The following NT5DC1 variants were observed in gnomAD, a reference collection of about 807,000 sequenced individuals.
NT5DC1 encodes the protein 5'-nucleotidase domain-containing protein 1.
A neutral mutation model predicts 59.4 loss-of-function variants in NT5DC1; 42 were observed. That is an observed-to-expected ratio of 0.71 (90% confidence interval 0.55 to 0.92). The LOEUF is 0.92. Among genes scored for constraint, NT5DC1 ranks in the 40% least tolerant of loss-of-function variants. The pLI, the probability that NT5DC1 is intolerant of heterozygous loss-of-function variation, is 0.00. For missense variants in NT5DC1, 501 were observed against 537.1 expected (o/e 0.93, Z 0.66); for synonymous variants, 172 against 188.1 (o/e 0.91, Z 0.70).
intron 6 of NT5DC1, among the ~76,000 whole-genome samples, chr6:116,186,079 C>T (rs940572156): frequency 6.6e-6 from 1 of 151,936 alleles, no homozygotes; most frequent in Non-Finnish European, 1.5e-5. Flanking sequence ...GGCAAATTCT[C>T]GCAGCATTTG....
chr6:116,158,186 A>G (rs933604538), intron 6 of NT5DC1, among the ~76,000 whole-genome samples: 1 of 152,128 alleles, frequency 6.6e-6, no homozygotes, highest in Non-Finnish European at 1.5e-5. Flanking sequence ...AATACTGGTT[A>G]TCTGTCATTG....
At chr6:116,241,842 G>A (rs1562178820) in intron 11 of NT5DC1, among the ~76,000 whole-genome samples, 1 of 147,604 alleles carries the variant, frequency 6.8e-6, no homozygotes, top group Non-Finnish European at 1.5e-5. Context: ...AGAATGGCAT[G>A]AACCCGGGGG....
intron 6 of NT5DC1, among the ~76,000 whole-genome samples, chr6:116,175,064 G>T (rs907576093): frequency 1.3e-5 from 2 of 151,898 alleles, no homozygotes; most frequent in African/African-American, 4.8e-5. Context: ...AAGGAATTAG[G>T]CTTATTAACT....
intron 6 of NT5DC1, 130 bp downstream of exon 6, chr6:116,118,075 A>T: frequency 1.4e-6 from 1 of 690,094 alleles, no homozygotes; most frequent in Admixed American, 2.3e-5. Context: ...ATATTATTAT[A>T]AAGTTGGTTC....
chr6:116,158,008 G>C lies in NT5DC1; in HGVS notation c.529+40063G>C, dbSNP rs73772300. Among the ~76,000 whole-genome samples, 866 of 152,216 alleles carry C rather than the reference G, an allele frequency of 5.7e-3. 17 individuals carry two copies. Among genetic ancestry groups the C allele is most frequent in the South Asian group, 0.046 (221 of 4,820 alleles). On this transcript the variant is annotated intron_variant, in intron 6 of 11. Coordinates refer to ENST00000319550, the MANE Select transcript of NT5DC1 (RefSeq NM_152729.3). ...ACTTCCCTTTCCAGTTTTTTCCTCT[G>C]ATCATTTGACATTTCCACTTCTTAA...
chr6:116,229,401 A>G (rs1243486378), intron 8 of NT5DC1, among the ~76,000 whole-genome samples: 1 of 152,220 alleles, frequency 6.6e-6, no homozygotes, highest in Non-Finnish European at 1.5e-5. Context: ...CAGCGAGCCA[A>G]TCACGAAACA....
At chr6:116,219,869 G>C in intron 6 of NT5DC1, among the ~76,000 whole-genome samples, 1 of 149,910 alleles carries the variant, frequency 6.7e-6, no homozygotes. Flanking sequence ...GGCTAAGGCA[G>C]GAGAATCACT....
At chr6:116,149,451 A>G (rs1371084685) in intron 6 of NT5DC1, among the ~76,000 whole-genome samples, 1 of 152,226 alleles carries the variant, frequency 6.6e-6, no homozygotes, top group Non-Finnish European at 1.5e-5. Flanking sequence ...CCCTGCCAGT[A>G]CTAAGAGAAC....
intron 6 of NT5DC1, among the ~76,000 whole-genome samples, chr6:116,145,734 AATTT>A (rs1779882716): frequency 6.6e-6 from 1 of 152,144 alleles, no homozygotes; most frequent in African/African-American, 2.4e-5. Flanking sequence ...TCATTTTTTG[AATTT>A]ATTTTTCATT....
intron 9 of NT5DC1, chr6:116,237,382 C>T: frequency 1.9e-6 from 1 of 521,964 alleles, no homozygotes; most frequent in South Asian, 1.5e-5. Flanking sequence ...TAAAGATACA[C>T]TTGTTTTTGA....
intron 1 of NT5DC1, among the ~76,000 whole-genome samples, chr6:116,105,370 C>T (rs369549150): frequency 2.6e-5 from 4 of 152,156 alleles, no homozygotes; most frequent in Non-Finnish European, 5.9e-5. Context: ...GACATGTTAT[C>T]GAAACCTGTT....
chr6:116,151,960 A>G (rs1373817781), intron 6 of NT5DC1, among the ~76,000 whole-genome samples: 1 of 152,214 alleles, frequency 6.6e-6, no homozygotes, highest in Non-Finnish European at 1.5e-5. Flanking sequence ...TATTGATGCC[A>G]ACTTTATTGA....
intron 6 of NT5DC1, among the ~76,000 whole-genome samples, chr6:116,165,393 G>C (rs1742537568): frequency 6.6e-6 from 1 of 152,152 alleles, no homozygotes; most frequent in South Asian, 2.1e-4. Context: ...AACAAGATCA[G>C]GGAAATTTTC....
chr6:116,141,342 G>A (rs1367731366), intron 6 of NT5DC1, among the ~76,000 whole-genome samples: 1 of 150,914 alleles, frequency 6.6e-6, no homozygotes, highest in Non-Finnish European at 1.5e-5. Flanking sequence ...TATATGTGTT[G>A]CAGATACTTC....
chr6:116,121,178 G>T (rs751835091), intron 6 of NT5DC1: 2 of 1,613,114 alleles, frequency 1.2e-6, no homozygotes, highest in African/African-American at 2.7e-5. Flanking sequence ...AGGAAGGCCA[G>T]CAGGTCCTCT....
intron 6 of NT5DC1, among the ~76,000 whole-genome samples, chr6:116,172,467 G>T (rs1003164364): frequency 6.6e-6 from 1 of 151,560 alleles, no homozygotes; most frequent in African/African-American, 2.4e-5. Context: ...GACTACAGGC[G>T]CACGCCACCA....
At chr6:116,145,242 G>A (rs1779868437) in intron 6 of NT5DC1, among the ~76,000 whole-genome samples, 1 of 151,984 alleles carries the variant, frequency 6.6e-6, no homozygotes, top group Non-Finnish European at 1.5e-5. Context: ...GTCCCCAAAA[G>A]AATTTGTTTA....
chr6:116,173,563 C>T (rs1328987283), intron 6 of NT5DC1, among the ~76,000 whole-genome samples: 1 of 152,094 alleles, frequency 6.6e-6, no homozygotes, highest in East Asian at 1.9e-4. Flanking sequence ...TGAGCGAGGG[C>T]GAGTGTGCTC....
chr6:116,117,792 T>C (rs1456655205), intron 5 of NT5DC1, 69 bp from the exon 6 acceptor site: 4 of 839,752 alleles, frequency 4.8e-6, no homozygotes, highest in East Asian at 2.5e-5. Context: ...TGTAATTGTT[T>C]GCCAGCATTT....
Sources: allele counts gnomAD v4.1 joint callset (sites outside exome capture counted in the v4.1 genomes callset), GRCh38; gene constraint gnomAD v4.1.1; transcripts MANE v1.5; gene names NCBI Gene and HGNC (gene_info 2026-07-23, HGNC 2026-07-21).